The following SEC16B variants were observed in gnomAD, a reference collection of about 807,000 sequenced individuals.
SEC16B encodes the protein protein transport protein Sec16B.
Under a neutral mutation model 141.8 loss-of-function variants are expected in SEC16B, and 115 were observed. The observed-to-expected ratio is 0.81, with a 90% CI of 0.70 to 0.95. The LOEUF is 0.95. Among genes scored for constraint, SEC16B ranks in the 40% least tolerant of loss-of-function variants. The pLI, the probability that SEC16B is intolerant of heterozygous loss-of-function variation, is 0.00. For synonymous variants in SEC16B, 493 were observed against 492.5 expected (o/e 1.00, Z -0.01); for missense variants, 1,291 against 1,312.3 (o/e 0.98, Z 0.25).
chr1:177,947,923 C>A lies in SEC16B; in HGVS notation c.1565G>T (p.Trp522Leu). 1 of 1,555,604 alleles carries A rather than the reference C, an allele frequency of 6.4e-7. No individual in the cohort carries two copies. The stretch of plus-strand genomic sequence containing the variant: ...AGCCAAGTGAGGCCTCCAGTCTCCC[C>A]ACTGCTTTTCTCCACAACACTGAAA... ...QAATCCGEKQWGDWRPHLAVI... is the reference protein window; with the variant it reads ...QAATCCGEKQLGDWRPHLAVI... Residue 522 changes from tryptophan (W) to leucine (L), a missense_variant, in exon 13 of 26, where the codon TGG (tryptophan) becomes TTG (leucine). Transcript: ENST00000308284.
intron 8 of SEC16B, 170 bp from the exon 9 acceptor site, chr1:177,959,145 T>C: frequency 2.8e-6 from 2 of 723,552 alleles, no homozygotes; most frequent in Non-Finnish European, 4.8e-6. Flanking sequence ...GTTATTTTCT[T>C]ATAGAACAAG....
intron 25 of SEC16B, 55 bp from the exon 26 acceptor site, chr1:177,929,984 C>A: frequency 6.3e-7 from 1 of 1,577,618 alleles, no homozygotes; most frequent in Middle Eastern, 1.8e-4. Flanking sequence ...TGACTCTGCC[C>A]GGGGTTGATT....
At chr1:177,976,490 C>T (rs1306471679) in intron 1 of SEC16B, among the ~76,000 whole-genome samples, 1 of 152,164 alleles carries the variant, frequency 6.6e-6, no homozygotes, top group Non-Finnish European at 1.5e-5. Context: ...AGGAGCAAGA[C>T]AACTTGGTGG....
Position 177,958,164 on chromosome 1 carries a change from A to G in SEC16B, c.1333T>C (p.Phe445Leu). ...CTTCCATAGTAGAGCAGCCTAGTGA[A>G]TTTCTCCACGATCTGCGCAGGTGTC... ...VETPAQIVEK[F>L]TRLLYYGRKK... The change falls in exon 10 of 26, where the codon TTC (phenylalanine) becomes CTC (leucine). Residue 445 changes from phenylalanine to leucine, a missense_variant. Coordinates refer to ENST00000308284, the MANE Select transcript of SEC16B (RefSeq NM_033127.4). 1 of 1,553,288 alleles carries G rather than the reference A, an allele frequency of 6.4e-7. No homozygotes were observed. The highest frequency in any genetic ancestry group is 8.7e-7 in the Non-Finnish European group (1 of 1,147,218).
rs1188308408 is a variant in SEC16B, at chr1:177,929,396, T to C, written c.*462A>G. 9 of 160,154 alleles carry C rather than the reference T, an allele frequency of 5.6e-5. No individual in the cohort carries two copies. Among genetic ancestry groups the C allele is most frequent in the Non-Finnish European group, 9.7e-5 (7 of 72,128 alleles). 9.9% of individuals were successfully genotyped at this position (160,154 alleles called of 1,614,324 possible). ...GTTTCAGTATAAAAACTTTGCTAAA[T>C]AGAGCCATGTATTGGTCTATTACTA... On this transcript the variant is annotated 3_prime_UTR_variant, in exon 26 of 26. Transcript: ENST00000308284.
rs746483112 is a variant in SEC16B at position 177,955,218 on chromosome 1, C to T, written c.1366-842G>A. ...CATTTCAATAAGAGAAATGCAGGCC[C>T]GGTGCGGTGGCTCACACCTGTAATC... On this transcript the variant is annotated intron_variant, in intron 10 of 25. Coordinates refer to ENST00000308284, the MANE Select transcript of SEC16B (RefSeq NM_033127.4). 6.4e-4 allele frequency among the ~76,000 whole-genome samples: 97 copies of T among 151,836 alleles called. 1 individual carries two copies. Among genetic ancestry groups the T allele is most frequent in the Admixed American group, 5.9e-4 (9 of 15,250 alleles).
At chr1:177,975,063 G>A (rs1231445981), upstream of SEC16B, among the ~76,000 whole-genome samples, 2 of 152,286 alleles carry the variant, frequency 1.3e-5, no homozygotes, top group African/African-American at 4.8e-5. Flanking sequence ...CCACCTCTAG[G>A]GTGAGAATTT....
intron 12 of SEC16B, chr1:177,948,591 G>T: frequency 7.7e-7 from 1 of 1,304,152 alleles, no homozygotes; most frequent in Non-Finnish European, 1.0e-6. Flanking sequence ...AATGTACAAA[G>T]CCCCGCATCA....
At chr1:177,956,907 T>C (rs1049503953) in intron 10 of SEC16B, among the ~76,000 whole-genome samples, 1 of 152,182 alleles carries the variant, frequency 6.6e-6, no homozygotes, top group Admixed American at 6.5e-5. Context: ...ACATTTGAGG[T>C]AGGCTAGGCT....
At position 177,982,320 on chromosome 1, in the gene SEC16B, T is replaced by C. The variant is rs528669187; in HGVS notation, c.-59+1886A>G. Among the ~76,000 whole-genome samples the C allele has an allele frequency of 4.6e-5, 7 of 152,314 alleles. No homozygotes were observed. In the South Asian group the frequency reaches 1.5e-3, roughly 32 times the overall value. On this transcript the variant is annotated intron_variant and NMD_transcript_variant, in intron 1 of 24. Transcript: ENST00000528461. ...TGTGGTGGAAAGCCAGTGGAAAGAC[T>C]GAAGACACAGGCAGAATAAAGGAAC...
intron 11 of SEC16B, among the ~76,000 whole-genome samples, chr1:177,953,669 AT>A (rs145019046): frequency 0.021 from 3,268 of 152,094 alleles, 124 homozygotes; most frequent in African/African-American, 0.074. Context: ...TCCCTAGCTC[AT>A]TCTGGTTTGG....
In SEC16B at chr1:177,967,677, C is replaced by T. The variant is rs760819604; in HGVS notation, c.299+6G>A. On this transcript the variant is annotated splice_donor_region_variant and intron_variant, in intron 2 of 25. Transcript: ENST00000308284. ...GTTGCATTCATTCCAAGCCCTAAAGCCATACCTTGAATACAACTGATTGCG... is the reference window on the plus strand; with the variant it reads ...GTTGCATTCATTCCAAGCCCTAAAGTCATACCTTGAATACAACTGATTGCG... 1 of 1,582,290 alleles carries T rather than the reference C, an allele frequency of 6.3e-7. No homozygotes were observed. The highest frequency in any genetic ancestry group is 2.3e-5 in the East Asian group (1 of 44,406).
chr1:177,932,956 C>T, intron 22 of SEC16B, 150 bp from the exon 23 acceptor site: 1 of 772,666 alleles, frequency 1.3e-6, no homozygotes, highest in Non-Finnish European at 2.2e-6. Flanking sequence ...TCCCACTCTT[C>T]TGCTCAACAA....
intron 3 of SEC16B, among the ~76,000 whole-genome samples, chr1:177,965,598 G>T (rs181564400): frequency 3.9e-5 from 6 of 152,212 alleles, no homozygotes; most frequent in Admixed American, 2.0e-4. Context: ...ACTGTTACTT[G>T]GTCAAAGACT....
At position 177,958,126 on chromosome 1, in the gene SEC16B, A is replaced by G; in HGVS notation, c.1365+6T>C. 1 of 1,488,590 alleles carries G rather than the reference A, an allele frequency of 6.7e-7. No individual in the cohort carries two copies. The highest frequency in any genetic ancestry group is 9.0e-7 in the Non-Finnish European group (1 of 1,114,872). 92.2% of individuals were successfully genotyped at this position (1,488,590 alleles called of 1,614,324 possible). ...CAAAATAAGTATGGGGGAAGGGCAT[A>G]CTTGCCTTCTTCCTTCCATAGTAGA... On this transcript the variant is annotated splice_donor_region_variant and intron_variant, in intron 10 of 25. Transcript: ENST00000308284.
In SEC16B at chr1:177,967,972, A is replaced by G. The variant is rs1304349300; in HGVS notation, c.10T>C (p.Trp4Arg). The change falls in exon 2 of 26, where the codon TGG (tryptophan) becomes CGG (arginine). Residue 4 changes from tryptophan (W) to arginine (R), a missense_variant. Transcript: ENST00000308284. ...GTCTGGGGCAGCCTCTGGGGAGCCC[A>G]AAGTTCCATCCTTGACTCTCTGAAT... is the stretch of plus-strand genomic sequence containing the variant. The part of the protein sequence containing the change: MEL[W>R]APQRLPQTRG... 1.2e-6 allele frequency: 2 copies of G among 1,604,800 alleles called. No individual in the cohort carries two copies. The highest frequency in any genetic ancestry group is 2.2e-5 in the East Asian group (1 of 44,640).
intron 7 of SEC16B, 37 bp downstream of exon 7, chr1:177,960,754 G>GT: frequency 3.2e-6 from 5 of 1,571,960 alleles, no homozygotes; most frequent in Non-Finnish European, 4.3e-6. Flanking sequence ...TGGGTAAGCA[G>GT]TGTGCCAGCA....
At chr1:177,935,418 TAG>T (rs1650762390) in intron 20 of SEC16B, among the ~76,000 whole-genome samples, 2 of 152,176 alleles carry the variant, frequency 1.3e-5, no homozygotes, top group African/African-American at 4.8e-5. Flanking sequence ...AAAAATCTCA[TAG>T]AGTGTTAAGT....
In SEC16B at chr1:177,962,546, T is replaced by C. The variant is rs151306627; in HGVS notation, c.643-812A>G. 7.4e-3 allele frequency among the ~76,000 whole-genome samples: 1,081 copies of C among 146,894 alleles called. 14 individuals are homozygous for C. Among genetic ancestry groups the C allele is most frequent in the African/African-American group, 0.025 (1,011 of 39,890 alleles). ...GAGCCCACGAATTTGAGACCCCAAA[T>C]TGCAACATAGCAAGACCCCATCTCT... On this transcript the variant is annotated intron_variant, in intron 5 of 25. Coordinates refer to ENST00000308284, the MANE Select transcript of SEC16B (RefSeq NM_033127.4).
Sources: gnomAD v4.1 joint callset for allele counts (sites outside exome capture counted in the v4.1 genomes callset) on GRCh38, gnomAD v4.1.1 for gene constraint, MANE v1.5 for transcripts, NCBI Gene and HGNC (gene_info 2026-07-23, HGNC 2026-07-21) for gene names.